The following FAM171A1 variants were observed in gnomAD, a reference collection of about 807,000 sequenced individuals.
The protein encoded by FAM171A1 is protein FAM171A1.
Under a neutral mutation model 74.9 loss-of-function variants are expected in FAM171A1, and 23 were observed. That is an observed-to-expected ratio of 0.31 (90% CI 0.22 to 0.44). FAM171A1 has a LOEUF of 0.44. FAM171A1 is among the 20% of genes least tolerant of loss of function. The pLI is 1.00. For missense variants in FAM171A1, 1,162 were observed against 1,159.2 expected, an observed-to-expected ratio of 1.00 and a Z score of -0.03; for synonymous variants, 527 against 505.7, an observed-to-expected ratio of 1.04 and a Z score of -0.57.
chr10:15,233,127 T>C (rs1245694605), intron 5 of FAM171A1, among the ~76,000 whole-genome samples: 1 of 152,038 alleles, frequency 6.6e-6, no homozygotes, highest in Admixed American at 6.5e-5. Context: ...ACCCCGTTTC[T>C]ACTAAAAAAT....
At chr10:15,318,221 T>G (rs1359882437) in intron 1 of FAM171A1, among the ~76,000 whole-genome samples, 2 of 152,162 alleles carry the variant, frequency 1.3e-5, no homozygotes, top group East Asian at 1.9e-4. Flanking sequence ...TAAGGAAGAA[T>G]AGCAGGAGCC....
intron 1 of FAM171A1, among the ~76,000 whole-genome samples, chr10:15,299,082 G>A (rs1055908543): frequency 2.6e-5 from 4 of 152,006 alleles, no homozygotes; most frequent in Non-Finnish European, 5.9e-5. Context: ...CACCACGCCC[G>A]GTGAATTTTT....
At position 15,214,072 on chromosome 10, in the gene FAM171A1, G is replaced by C; in HGVS notation, c.1516C>G (p.Pro506Ala). 1 of 1,614,194 alleles carries C rather than the reference G, an allele frequency of 6.2e-7. No individual in the cohort carries two copies. The highest frequency in any genetic ancestry group is 8.5e-7 in the Non-Finnish European group (1 of 1,180,044). Residue 506 changes from proline to alanine, a missense_variant, in exon 8 of 8, where the codon CCA (proline) becomes GCA (alanine). Pro to Ala is a conservative substitution (Grantham distance 27). Coordinates refer to ENST00000378116, the MANE Select transcript of FAM171A1 (RefSeq NM_001010924.2). ...PLFEKQDREG[P>A]ASTGSKLTIQ... ...GTGAGTTTGCTTCCCGTGGAGGCTG[G>C]ACCTTCTCTGTCCTGCTTTTCAAAT...
intron 3 of FAM171A1, among the ~76,000 whole-genome samples, chr10:15,269,737 T>C (rs1378953106): frequency 6.6e-6 from 1 of 152,158 alleles, no homozygotes; most frequent in South Asian, 2.1e-4. Flanking sequence ...ATGCTCTCCA[T>C]TGGAGAGGAA....
At chr10:15,247,695 A>G (rs1221199057) in intron 5 of FAM171A1, among the ~76,000 whole-genome samples, 1 of 150,924 alleles carries the variant, frequency 6.6e-6, no homozygotes, top group Non-Finnish European at 1.5e-5. Flanking sequence ...CTGGTCTCAG[A>G]CTCTTGGCCT....
intron 1 of FAM171A1, among the ~76,000 whole-genome samples, chr10:15,323,568 A>C (rs1408727283): frequency 8.5e-5 from 13 of 152,214 alleles, no homozygotes; most frequent in Non-Finnish European, 1.3e-4. Context: ...AGGCAGATCT[A>C]TTCAACAAGC....
At chr10:15,321,237 T>C (rs1263170470) in intron 1 of FAM171A1, among the ~76,000 whole-genome samples, 1 of 152,216 alleles carries the variant, frequency 6.6e-6, no homozygotes, top group Non-Finnish European at 1.5e-5. Flanking sequence ...TGCAGGAGAA[T>C]TTCTGTTTAG....
intron 1 of FAM171A1, among the ~76,000 whole-genome samples, chr10:15,331,880 CATATATAT>C (rs71390031): frequency 1.7e-5 from 1 of 59,676 alleles, no homozygotes; most frequent in Non-Finnish European, 3.3e-5. Context: ...TGTGTGTATA[CATATATAT>C]ATATATATGA....
chr10:15,321,174 G>A (rs1835482550), intron 1 of FAM171A1, among the ~76,000 whole-genome samples: 1 of 152,164 alleles, frequency 6.6e-6, no homozygotes, highest in Non-Finnish European at 1.5e-5. Flanking sequence ...AATATTCAAA[G>A]CACAAATACT....
In FAM171A1 at chr10:15,213,455, G is replaced by A. The variant is rs1415156632; in HGVS notation, c.2133C>T (p.Ser711=). Residue 711 remains serine (S), a synonymous_variant, in exon 8 of 8, where the codon TCC becomes TCT. Coordinates refer to ENST00000378116, the MANE Select transcript of FAM171A1 (RefSeq NM_001010924.2). This position sits in a 1 kb window ranked among gnomAD's most constrained non-coding sequence, Gnocchi z 6.8. The part of the protein sequence containing the change: ...PLPHPRAWFV[S]LDGRSNAHVR... ...CGTGAGCGTTGGACCTGCCATCCAA[G>A]GAGACGAACCACGCCCGGGGGTGCG... 1.9e-6 allele frequency: 3 copies of A among 1,614,194 alleles called. No individual in the cohort carries two copies. The highest frequency in any genetic ancestry group is 1.6e-4 in the Middle Eastern group (1 of 6,062).
intron 5 of FAM171A1, among the ~76,000 whole-genome samples, chr10:15,245,796 G>A (rs189228453): frequency 2.6e-5 from 4 of 152,348 alleles, no homozygotes; most frequent in Admixed American, 2.6e-4. Flanking sequence ...ACCATACAAG[G>A]GGGTGTATAT....
At chr10:15,306,171 C>T (rs1835291965) in intron 1 of FAM171A1, among the ~76,000 whole-genome samples, 2 of 152,162 alleles carry the variant, frequency 1.3e-5, no homozygotes, top group African/African-American at 2.4e-5. Flanking sequence ...GTGCATTTAC[C>T]TGAATAATGT....
intron 1 of FAM171A1, among the ~76,000 whole-genome samples, chr10:15,294,926 G>GT (rs947037506): frequency 7.9e-5 from 12 of 151,908 alleles, no homozygotes; most frequent in Non-Finnish European, 1.6e-4. Context: ...GTTTTGTTTT[G>GT]TTTTTTGAGA....
Position 15,212,831 on chromosome 10 carries a change from T to C in FAM171A1, c.*84A>G. 6.5e-7 allele frequency: 1 copy of C among 1,544,922 alleles called. No individual in the cohort carries two copies. The highest frequency in any genetic ancestry group is 1.3e-5 in the South Asian group (1 of 79,912). On this transcript the variant is annotated 3_prime_UTR_variant, in exon 8 of 8. Transcript: ENST00000378116. ...GTCCCACGGCTGGGCTGCCGTTCCGTTTCCTCCACGAACGGGTACGCGCTT... is the reference window on the plus strand; with the variant it reads ...GTCCCACGGCTGGGCTGCCGTTCCGCTTCCTCCACGAACGGGTACGCGCTT...
intron 1 of FAM171A1, among the ~76,000 whole-genome samples, chr10:15,343,639 G>A (rs1172575963): frequency 1.3e-5 from 2 of 152,074 alleles, no homozygotes; most frequent in East Asian, 1.9e-4. Flanking sequence ...GCAGGGTGGC[G>A]AAGGAGTGAG....
intron 1 of FAM171A1, among the ~76,000 whole-genome samples, chr10:15,335,435 T>C (rs1305015701): frequency 6.6e-6 from 1 of 152,214 alleles, no homozygotes; most frequent in Non-Finnish European, 1.5e-5. Context: ...TTCAAAAATC[T>C]GTTTAATAAG....
intron 6 of FAM171A1, among the ~76,000 whole-genome samples, chr10:15,220,468 A>C (rs1172110333): frequency 6.6e-6 from 1 of 152,236 alleles, no homozygotes; most frequent in Non-Finnish European, 1.5e-5. Context: ...ACATATCCTA[A>C]ATGGAGGGGA....
intron 1 of FAM171A1, among the ~76,000 whole-genome samples, chr10:15,370,158 AG>A (rs1836119009): frequency 6.6e-6 from 1 of 151,560 alleles, no homozygotes; most frequent in African/African-American, 2.4e-5. Flanking sequence ...CGTTACTCCC[AG>A]GGCTGGAAAG....
At chr10:15,330,440 G>C (rs1181867019) in intron 1 of FAM171A1, among the ~76,000 whole-genome samples, 1 of 152,128 alleles carries the variant, frequency 6.6e-6, no homozygotes, top group Non-Finnish European at 1.5e-5. Flanking sequence ...GCAAGTAGAA[G>C]AGAAAAAGCA....
Sources: gnomAD v4.1 joint callset for allele counts (sites outside exome capture counted in the v4.1 genomes callset) on GRCh38, gnomAD v4.1.1 for gene constraint, Gnocchi (gnomAD v3.1) non-coding constraint, MANE v1.5 for transcripts, NCBI Gene and HGNC (gene_info 2026-07-23, HGNC 2026-07-21) for gene names.